The following NEB variants were observed in gnomAD, a reference collection of about 807,000 sequenced individuals.
The protein encoded by NEB is nemaline myopathy type 2.
In NEB, 512 loss-of-function variants were observed where a neutral mutation model predicts 952.2. The ratio of observed to expected loss-of-function variants is 0.54; its 90% CI spans 0.50 to 0.58. NEB has a LOEUF of 0.58. Ranked by LOEUF, NEB falls within the 20% of genes least tolerant of loss-of-function variation. The pLI is 0.00. For missense variants in NEB, 8,428 were observed against 9,231.1 expected (o/e 0.91, Z 3.56); for synonymous variants, 2,900 against 3,149.8 (o/e 0.92, Z 2.66).
chr2:151,496,641 C>T (rs2060399301), intron 172 of NEB, among the ~76,000 whole-genome samples: 1 of 151,926 alleles, frequency 6.6e-6, no homozygotes, highest in African/African-American at 2.4e-5. Flanking sequence ...AGTACGGTGC[C>T]TCCTAAACAA....
chr2:151,702,769 G>A (rs1302782189), intron 13 of NEB, among the ~76,000 whole-genome samples: 3 of 152,114 alleles, frequency 2.0e-5, no homozygotes, highest in African/African-American at 4.8e-5. Flanking sequence ...GTCTCTGCAC[G>A]TGAGTTGGGT....
In NEB at chr2:151,694,384, A is replaced by G; in HGVS notation, c.1835T>C (p.Leu612Pro). 1.9e-6 allele frequency: 3 copies of G among 1,614,016 alleles called. No individual in the cohort carries two copies. Among genetic ancestry groups the G allele is most frequent in the Non-Finnish European group, 2.5e-6 (3 of 1,179,900 alleles). Residue 612 changes from leucine to proline, a missense_variant, in exon 20 of 182, where the codon CTC becomes CCC. By Grantham distance (98) the Leu-to-Pro change is moderately conservative. This residue lies in a region of NEB where 2,851 missense variants were observed against 2,791.5 expected (regional missense o/e 1.02). Coordinates refer to ENST00000397345, the MANE Select transcript of NEB (RefSeq NM_001164508.2). ...CATCTTGGGATCGTCATTAATGCTG[A>G]GGACTCCAATCATTTTCCCTTTGTT... ...EKNKGKMIGV[L>P]SINDDPKMLH...
chr2:151,648,024 T>A (rs544225993), intron 54 of NEB, among the ~76,000 whole-genome samples: 7 of 152,068 alleles, frequency 4.6e-5, no homozygotes, highest in African/African-American at 1.7e-4. Flanking sequence ...CTCATATAGA[T>A]ATATAGATAT....
rs765671775 is a variant in NEB at position 151,677,622 on chromosome 2, G to C, written c.3717C>G (p.Ser1239Arg). The change falls in exon 34 of 182, where the codon AGC becomes AGG. Residue 1239 changes from serine to arginine, a missense_variant. By Grantham distance (110) the Ser-to-Arg change is moderately radical. Around this residue, in one of 11 missense-constraint regions of NEB, gnomAD observed 2,851 missense variants for 2,791.5 expected, o/e 1.02. Coordinates refer to ENST00000397345, the MANE Select transcript of NEB (RefSeq NM_001164508.2). ...GGACCATAACTGGGGAGTCCACAAT[G>C]CTGGTAAATTTGAGGGTGTCTGGAT... Reference protein sequence around the residue: ...RQHPDTLKFTSIVDSPVMVQA... With the variant: ...RQHPDTLKFTRIVDSPVMVQA... The C allele has an allele frequency of 1.9e-6, 3 of 1,613,940 alleles. No homozygotes were observed. The highest frequency in any genetic ancestry group is 2.5e-6 in the Non-Finnish European group (3 of 1,179,868).
intron 38 of NEB, among the ~76,000 whole-genome samples, chr2:151,669,787 A>C (rs2099263732): frequency 1.3e-5 from 2 of 152,332 alleles, no homozygotes; most frequent in East Asian, 1.9e-4. Context: ...TAAGAGGGAC[A>C]TGATTTGATT....
Position 151,519,738 on chromosome 2 carries a change from T to G in NEB, c.22510A>C (p.Lys7504Gln). The G allele has an allele frequency of 6.2e-7, 1 of 1,612,940 alleles. No homozygotes were observed. Among genetic ancestry groups the G allele is most frequent in the Non-Finnish European group, 8.5e-7 (1 of 1,179,078 alleles). The change falls in exon 154 of 182, where the codon AAG becomes CAG. Residue 7504 changes from lysine (K) to glutamine (Q), a missense_variant. Around this residue, in one of 11 missense-constraint regions of NEB, gnomAD observed 3,374 missense variants for 3,651.5 expected, o/e 0.92. Transcript: ENST00000397345. The part of the protein sequence containing the change: ...VKYRENFDKE[K>Q]GKTPKYNPKD... ...GGATTGTATTTTGGTGTCTTGCCCT[T>G]TTCTTTATCGAAATTTTCTCGGTAT...
chr2:151,691,460 G>A (rs1288957228), intron 23 of NEB, among the ~76,000 whole-genome samples: 1 of 151,988 alleles, frequency 6.6e-6, no homozygotes, highest in Admixed American at 6.6e-5. Flanking sequence ...TCCTTCCTTT[G>A]TTTATTACTT....
At chr2:151,494,629 GTTTGTTTTTT>G (rs2058869066) in intron 173 of NEB, among the ~76,000 whole-genome samples, 1 of 151,874 alleles carries the variant, frequency 6.6e-6, no homozygotes, top group South Asian at 2.1e-4. Context: ...TACATCAGCT[GTTTGTTTTTT>G]TTTGTTTTGT....
rs181549321 is a variant in NEB, at chr2:151,650,126, A to C, written c.7431+50T>G. On this transcript the variant is annotated intron_variant, in intron 54 of 181. Coordinates refer to ENST00000397345, the MANE Select transcript of NEB (RefSeq NM_001164508.2). ...TTATTAAGCAAGTGCTATTGAGCAA[A>C]CACTAGGTAGCAGGCACTATAATCT... 7.1e-6 allele frequency: 11 copies of C among 1,556,906 alleles called. No individual in the cohort carries two copies. In the East Asian group the frequency reaches 2.3e-4, roughly 32 times the overall value.
intron 170 of NEB, 81 bp from the exon 171 acceptor site, chr2:151,497,799 C>G (rs775873186): frequency 2.3e-4 from 355 of 1,539,352 alleles, no homozygotes; most frequent in Non-Finnish European, 2.9e-4. Context: ...GAGGAAAAAA[C>G]ACAGTCATCC....
Position 151,709,636 on chromosome 2 carries a change from A to G in NEB, c.1035+20T>C. 2 of 1,537,022 alleles carry G rather than the reference A, an allele frequency of 1.3e-6. No individual in the cohort carries two copies. Among genetic ancestry groups the G allele is most frequent in the South Asian group, 1.2e-5 (1 of 84,608 alleles). On this transcript the variant is annotated intron_variant, in intron 12 of 181. Coordinates refer to ENST00000397345, the MANE Select transcript of NEB (RefSeq NM_001164508.2). ...ACCCACACTCAAACCATCAAGATAA[A>G]TGGGATGATTTCCTCATACCTTGCT...
intron 148 of NEB, among the ~76,000 whole-genome samples, chr2:151,526,491 CACTT>C (rs1264260673): frequency 6.6e-6 from 1 of 152,160 alleles, no homozygotes; most frequent in Non-Finnish European, 1.5e-5. Flanking sequence ...TATATAGTCA[CACTT>C]ACGTTCACAG....
rs763429938 is a variant in NEB, at chr2:151,642,811, G to T, written c.8219C>A (p.Thr2740Asn). ...DKTTVHIMPD[T>N]PEVLLAKQNK... ...TTGTTTAGCTAATAAAACTTCAGGGGTATCTGGCATAATGTGGACAGTGGT... is the reference window on the plus strand; with the variant it reads ...TTGTTTAGCTAATAAAACTTCAGGGTTATCTGGCATAATGTGGACAGTGGT... The change falls in exon 59 of 182, where the codon ACC becomes AAC. Residue 2740 changes from threonine (T) to asparagine (N), a missense_variant. By Grantham distance (65) the Thr-to-Asn change is moderately conservative. Coordinates refer to ENST00000397345, the MANE Select transcript of NEB (RefSeq NM_001164508.2). The T allele has an allele frequency of 2.0e-5, 32 of 1,612,890 alleles. No individual in the cohort carries two copies. Among genetic ancestry groups the T allele is most frequent in the Non-Finnish European group, 2.5e-5 (30 of 1,179,362 alleles).
intron 9 of NEB, among the ~76,000 whole-genome samples, chr2:151,720,824 C>T (rs2099772217): frequency 6.6e-6 from 1 of 152,170 alleles, no homozygotes; most frequent in African/African-American, 2.4e-5. Flanking sequence ...CACTCTTCTG[C>T]TTCCCTCATA....
intron 5 of NEB, among the ~76,000 whole-genome samples, chr2:151,726,019 T>C (rs180833976): frequency 5.2e-5 from 8 of 152,382 alleles, no homozygotes; most frequent in Non-Finnish European, 8.8e-5. Flanking sequence ...ATCTGAATTA[T>C]ATTCTGTAAA....
intron 65 of NEB, among the ~76,000 whole-genome samples, chr2:151,633,065 TC>T (rs369321748): frequency 2.5e-3 from 381 of 152,322 alleles, no homozygotes; most frequent in African/African-American, 8.3e-3. Context: ...GTGCTTTAAT[TC>T]CTTCAAAGTT....
At chr2:151,490,648 A>C (rs970576041) in intron 179 of NEB, 130 bp from the exon 180 acceptor site, 9 of 1,109,960 alleles carry the variant, frequency 8.1e-6, no homozygotes, top group Non-Finnish European at 1.2e-5. Context: ...CCATGGGTCA[A>C]ACCCTCACAG....
rs750109772 is a variant in NEB at position 151,709,723 on chromosome 2, A to T, written c.968T>A (p.Ile323Asn). 13 of 1,606,020 alleles carry T rather than the reference A, an allele frequency of 8.1e-6. No individual in the cohort carries two copies. The highest frequency in any genetic ancestry group is 1.7e-6 in the Non-Finnish European group (2 of 1,175,754). Residue 323 changes from isoleucine (I) to asparagine (N), a missense_variant, in exon 12 of 182, where the codon ATC (isoleucine) becomes AAC (asparagine). Ile to Asn is a moderately radical substitution (Grantham distance 149, BLOSUM62 -3). This residue lies in a region of NEB where 2,851 missense variants were observed against 2,791.5 expected (regional missense o/e 1.02). Coordinates refer to ENST00000397345, the MANE Select transcript of NEB (RefSeq NM_001164508.2). ...TGGTGTTTCGGTCTGCATGAAGTAG[A>T]TCTGGTCTTTCATGTTTTCAAAATC... ...QEDFENMKDQ[I>N]YFMQTETPEY... is the part of the protein sequence containing the mutation.
At chr2:151,513,424 A>G (rs1030425689) in intron 160 of NEB, among the ~76,000 whole-genome samples, 156 bp downstream of exon 160, 2 of 152,204 alleles carry the variant, frequency 1.3e-5, no homozygotes, top group African/African-American at 4.8e-5. Context: ...AGGGTCCTCC[A>G]TCCTTTCATT....
Sources: allele counts gnomAD v4.1 joint callset (sites outside exome capture counted in the v4.1 genomes callset), GRCh38; gene constraint gnomAD v4.1.1; regional missense constraint gnomAD v4.1.1; transcripts MANE v1.5; gene names NCBI Gene and HGNC (gene_info 2026-07-23, HGNC 2026-07-21).